CLYBL: variants seen among roughly 807,000 people sequenced by gnomAD.
The protein encoded by CLYBL is citramalyl-CoA lyase, mitochondrial.
CLYBL carries 31 observed loss-of-function variants against 38.9 expected under a neutral mutation model. The observed-to-expected ratio is 0.80, with a 90% CI of 0.60 to 1.08. The LOEUF (loss-of-function observed/expected upper bound fraction) is 1.08, where lower values mean the gene tolerates loss of function less well. Among genes scored for constraint, CLYBL ranks in the 50% least tolerant of loss-of-function variants. The probability of loss-of-function intolerance (pLI) is 0.00; values close to 1 mark genes in which losing one functional copy is unlikely to be tolerated. For missense variants in CLYBL, 434 were observed against 411.6 expected, an observed-to-expected ratio of 1.05 and a Z score of -0.47; for synonymous variants, 171 against 158.6, an observed-to-expected ratio of 1.08 and a Z score of -0.59.
intron 7 of CLYBL, among the ~76,000 whole-genome samples, chr13:99,880,769 G>T (rs1403788609): frequency 6.6e-6 from 1 of 152,252 alleles, no homozygotes; most frequent in Middle Eastern, 3.2e-3. Context: ...AACACAAGAG[G>T]CCTCCCTTCC....
chr13:99,711,512 T>G (rs2048232245), intron 1 of CLYBL, among the ~76,000 whole-genome samples: 1 of 150,204 alleles, frequency 6.7e-6, no homozygotes, highest in South Asian at 2.1e-4. Context: ...GTTCAAGCGA[T>G]TCTCCTGCCT....
intron 1 of CLYBL, among the ~76,000 whole-genome samples, chr13:99,724,045 TG>T (rs1208721394): frequency 6.6e-6 from 1 of 152,212 alleles, no homozygotes; most frequent in Non-Finnish European, 1.5e-5. Context: ...TCAGCACTTT[TG>T]TTGTCTTTGT....
chr13:99,705,135 A>G (rs1463989383), intron 1 of CLYBL, among the ~76,000 whole-genome samples: 1 of 152,220 alleles, frequency 6.6e-6, no homozygotes, highest in East Asian at 1.9e-4. Context: ...TCCTGGGTAC[A>G]TGGGTACACC....
At chr13:99,720,920 T>A (rs2048382560) in intron 1 of CLYBL, among the ~76,000 whole-genome samples, 3 of 152,196 alleles carry the variant, frequency 2.0e-5, no homozygotes. Flanking sequence ...CTTTCTATTC[T>A]CTCATTAGCA....
downstream of CLYBL, chr13:99,893,975 A>G (rs2052538537): frequency 6.6e-6 from 1 of 152,276 alleles, no homozygotes; most frequent in Non-Finnish European, 1.5e-5. Flanking sequence ...TCTTCCTCAT[A>G]ACCCATGGTC....
At chr13:99,837,952 T>A (rs2050977967) in intron 2 of CLYBL, among the ~76,000 whole-genome samples, 1 of 152,222 alleles carries the variant, frequency 6.6e-6, no homozygotes, top group South Asian at 2.1e-4. Context: ...CAAATATTAT[T>A]TTTTACATGA....
chr13:99,688,822 C>T (rs1395671201), intron 1 of CLYBL, among the ~76,000 whole-genome samples: 1 of 152,156 alleles, frequency 6.6e-6, no homozygotes, highest in East Asian at 1.9e-4. Flanking sequence ...TTTGTGAAGT[C>T]AGAAAGTAAA....
chr13:99,709,617 G>T (rs1384007807), intron 1 of CLYBL, among the ~76,000 whole-genome samples: 1 of 152,180 alleles, frequency 6.6e-6, no homozygotes, highest in East Asian at 1.9e-4. Context: ...AAAAGCTGCA[G>T]TTGAAAAGAT....
At chr13:99,676,370 C>T (rs1594114411) in intron 1 of CLYBL, among the ~76,000 whole-genome samples, 1 of 151,966 alleles carries the variant, frequency 6.6e-6, no homozygotes, top group Non-Finnish European at 1.5e-5. Context: ...AGTGCAATGG[C>T]GCAATCTCGG....
intron 1 of CLYBL, 59 bp downstream of exon 1, chr13:99,606,816 G>A: frequency 7.6e-7 from 1 of 1,316,178 alleles, no homozygotes; most frequent in South Asian, 2.2e-5. Context: ...GTCGGCTCCT[G>A]TTGCAGCCCC....
At chr13:99,800,907 CAAAA>C (rs66941924) in intron 2 of CLYBL, among the ~76,000 whole-genome samples, 1 of 139,198 alleles carries the variant, frequency 7.2e-6, no homozygotes, top group Non-Finnish European at 1.5e-5. Flanking sequence ...AAAAAAAAAA[CAAAA>C]AAAAAAAAAC....
At chr13:99,720,039 T>A (rs2048371867) in intron 1 of CLYBL, among the ~76,000 whole-genome samples, 1 of 152,132 alleles carries the variant, frequency 6.6e-6, no homozygotes, top group Non-Finnish European at 1.5e-5. Flanking sequence ...TATACTATGC[T>A]GTTTACTTAC....
At chr13:99,824,257 G>GCGCCCCCC (rs66867477) in intron 2 of CLYBL, among the ~76,000 whole-genome samples, 1 of 130,414 alleles carries the variant, frequency 7.7e-6, no homozygotes, top group African/African-American at 2.9e-5. Flanking sequence ...CTGACTAATA[G>GCGCCCCCC]CCCCCCCCAC....
intron 7 of CLYBL, among the ~76,000 whole-genome samples, chr13:99,877,442 T>C (rs908190211): frequency 5.9e-5 from 9 of 152,148 alleles, no homozygotes; most frequent in Non-Finnish European, 1.3e-4. Context: ...TTTTTCTTTC[T>C]CACTACATCA....
chr13:99,899,432 C>G (rs2052618007), downstream of CLYBL, among the ~76,000 whole-genome samples: 2 of 152,172 alleles, frequency 1.3e-5, no homozygotes, highest in Non-Finnish European at 2.9e-5. Flanking sequence ...TGAGCATCTG[C>G]TTCTAGAGCT....
intron 1 of CLYBL, among the ~76,000 whole-genome samples, chr13:99,688,016 T>A (rs1053948367): frequency 6.6e-6 from 1 of 152,228 alleles, no homozygotes; most frequent in African/African-American, 2.4e-5. Context: ...AAATATAGCA[T>A]ATCTGAGTAG....
intron 1 of CLYBL, among the ~76,000 whole-genome samples, chr13:99,697,224 T>TTA (rs2047993257): frequency 6.6e-6 from 1 of 152,168 alleles, no homozygotes; most frequent in Admixed American, 6.5e-5. Flanking sequence ...GGAAGGGTAA[T>TTA]TGTAAAGGGG....
At chr13:99,642,837 C>T (rs1484307963) in intron 1 of CLYBL, among the ~76,000 whole-genome samples, 1 of 152,032 alleles carries the variant, frequency 6.6e-6, no homozygotes, top group Non-Finnish European at 1.5e-5. Context: ...TGGCTCACTG[C>T]AGCCTTAACC....
intron 2 of CLYBL, among the ~76,000 whole-genome samples, chr13:99,833,022 ATATATATATTTTTTTTTTTT>A (rs2050846757): frequency 5.3e-5 from 2 of 37,468 alleles, no homozygotes; most frequent in African/African-American, 2.2e-4. Context: ...ATATATATAT[ATATATATATTTTTTTTTTTT>A]TTTTTTTTTT....
Sources: allele counts gnomAD v4.1 joint callset (sites outside exome capture counted in the v4.1 genomes callset), GRCh38; gene constraint gnomAD v4.1.1; transcripts MANE v1.5; gene names NCBI Gene and HGNC (gene_info 2026-07-23, HGNC 2026-07-21).